Variants in ANKFY1 observed in about 807,000 individuals in gnomAD.
The protein encoded by ANKFY1 is ankyrin repeat and FYVE domain-containing protein 1.
In ANKFY1, 47 loss-of-function variants were observed where a neutral mutation model predicts 128.3. The observed-to-expected ratio is 0.37, with a 90% CI of 0.29 to 0.47. ANKFY1 has a LOEUF of 0.47. ANKFY1 is among the 20% of genes least tolerant of loss of function. The probability of loss-of-function intolerance (pLI) is 1.00; values close to 1 mark genes in which losing one functional copy is unlikely to be tolerated. For synonymous variants in ANKFY1, 553 were observed against 601.6 expected, an observed-to-expected ratio of 0.92 and a Z score of 1.18; for missense variants, 1,222 against 1,510.6, an observed-to-expected ratio of 0.81 and a Z score of 3.17.
intron 7 of ANKFY1, among the ~76,000 whole-genome samples, chr17:4,199,851 A>C (rs2059895637): frequency 6.6e-6 from 1 of 152,224 alleles, no homozygotes; most frequent in South Asian, 2.1e-4. Context: ...GGATTTAGTT[A>C]TATTTAACAT....
At chr17:4,235,371 T>A (rs1161342606) in intron 3 of ANKFY1, among the ~76,000 whole-genome samples, 1 of 150,988 alleles carries the variant, frequency 6.6e-6, no homozygotes, top group Admixed American at 6.6e-5. Flanking sequence ...AAAAAGTCCT[T>A]TGGCATCTAG....
intron 16 of ANKFY1, 124 bp from the exon 17 acceptor site, chr17:4,180,001 G>A (rs1040743680): frequency 8.1e-7 from 1 of 1,227,490 alleles, no homozygotes; most frequent in Admixed American, 2.2e-5. Context: ...CGGGTCTGCT[G>A]TCCTTGGTCC....
chr17:4,260,692 T>C (rs1420329838), intron 1 of ANKFY1, among the ~76,000 whole-genome samples: 1 of 149,488 alleles, frequency 6.7e-6, no homozygotes, highest in Non-Finnish European at 1.5e-5. Flanking sequence ...GATGTAGAGT[T>C]GGGGAATAAA....
chr17:4,190,359 T>A (rs142544940), intron 10 of ANKFY1, among the ~76,000 whole-genome samples: 2 of 152,090 alleles, frequency 1.3e-5, no homozygotes, highest in African/African-American at 2.4e-5. Flanking sequence ...AGGAATTGCT[T>A]GAACCCACGA....
rs552488696 is a variant in ANKFY1 at position 4,223,427 on chromosome 17, A to C, written c.323-6309T>G. On this transcript the variant is annotated intron_variant, in intron 3 of 24. Coordinates refer to ENST00000341657, the MANE Select transcript of ANKFY1 (RefSeq NM_001330063.2). ...AGTCATCCACAAAGACCTGGCTGCT[A>C]GGAACTGTATCACTGATGACACACT... The C allele has an allele frequency of 1.4e-5, 20 of 1,392,430 alleles. No homozygotes were observed. In the South Asian group the frequency reaches 2.1e-4, roughly 14 times the overall value. The allele number at this position is 1,392,430 out of a possible 1,614,324, so 86.3% of individuals were successfully genotyped here. A position where few individuals can be genotyped will look rare whatever the true frequency, so the allele number is the denominator to read the frequency against.
chr17:4,179,672 C>T, intron 17 of ANKFY1, 49 bp downstream of exon 17: 1 of 1,599,072 alleles, frequency 6.3e-7, no homozygotes, highest in Non-Finnish European at 8.5e-7. Context: ...AGGAGGCTTC[C>T]CTCATGCTGG....
At chr17:4,192,763 G>A (rs1488289131) in intron 10 of ANKFY1, among the ~76,000 whole-genome samples, 1 of 152,140 alleles carries the variant, frequency 6.6e-6, no homozygotes, top group Non-Finnish European at 1.5e-5. Flanking sequence ...GCGAGTGGAC[G>A]AATTGGCTGG....
At chr17:4,179,352 A>G (rs2059467447) in intron 17 of ANKFY1, 4 of 530,478 alleles carry the variant, frequency 7.5e-6, no homozygotes, top group Non-Finnish European at 1.0e-5. Context: ...GGCCTTATAT[A>G]TAAATCTGCA....
chr17:4,263,811 C>T, intron 1 of ANKFY1, 121 bp downstream of exon 1: 1 of 1,605,876 alleles, frequency 6.2e-7, no homozygotes, highest in South Asian at 1.1e-5. Flanking sequence ...GGAAGGCTCG[C>T]GAGACCCGCG....
intron 1 of ANKFY1, among the ~76,000 whole-genome samples, chr17:4,262,773 C>A (rs1199739417): frequency 6.6e-6 from 1 of 152,210 alleles, no homozygotes; most frequent in Non-Finnish European, 1.5e-5. Flanking sequence ...CCCCCCAAAA[C>A]CAACTGGGTG....
At position 4,248,453 on chromosome 17, in the gene ANKFY1, G is replaced by A. The variant is rs909706932; in HGVS notation, c.11-6005C>T. Among the ~76,000 whole-genome samples the A allele has an allele frequency of 3.3e-5, 5 of 152,308 alleles. No homozygotes were observed. The East Asian group carries it at 5.8e-4, about 18-fold the overall frequency. ...CATCTATGGACAAACTGTCTTCCAC[G>A]AAACCAGTCTCTGGTGCCAAAAAGA... On this transcript the variant is annotated intron_variant, in intron 1 of 24. Coordinates refer to ENST00000341657, the MANE Select transcript of ANKFY1 (RefSeq NM_001330063.2).
rs369668157 is a variant in ANKFY1 at position 4,242,471 on chromosome 17, A to T, written c.11-23T>A. On this transcript the variant is annotated intron_variant, in intron 1 of 24. Transcript: ENST00000341657. ...CCTCTGCAAGGAAAACGAAGAATCA[A>T]GTTCACCGTGGCTGCTGGAAAGCAG... 1.3e-4 allele frequency: 193 copies of T among 1,521,082 alleles called. No homozygotes were observed. In the African/African-American group the frequency reaches 2.4e-3, roughly 19 times the overall value. The allele number at this position is 1,521,082 out of a possible 1,614,324, so 94.2% of individuals were successfully genotyped here.
chr17:4,237,409 G>T (rs1966959743), intron 2 of ANKFY1, among the ~76,000 whole-genome samples: 1 of 152,086 alleles, frequency 6.6e-6, no homozygotes, highest in South Asian at 2.1e-4. Context: ...ATGCAAAACA[G>T]AACATCAAAC....
intron 10 of ANKFY1, among the ~76,000 whole-genome samples, chr17:4,193,243 C>T (rs1156622180): frequency 1.3e-5 from 2 of 152,112 alleles, no homozygotes; most frequent in African/African-American, 4.8e-5. Flanking sequence ...AAGAGTCTAA[C>T]ATTCAAGCCT....
chr17:4,187,749 C>T (rs183257744), intron 11 of ANKFY1: 7 of 152,642 alleles, frequency 4.6e-5, no homozygotes, highest in African/African-American at 1.7e-4. Context: ...CTCACTGCAA[C>T]CTCTGCCTCC....
chr17:4,249,861 C>T (rs186850088), intron 1 of ANKFY1, among the ~76,000 whole-genome samples: 1 of 151,238 alleles, frequency 6.6e-6, no homozygotes, highest in Admixed American at 6.6e-5. Flanking sequence ...TTGGTCACTA[C>T]TTCCTGCCTT....
chr17:4,263,525 A>C (rs1052937463), intron 1 of ANKFY1: 3 of 1,268,776 alleles, frequency 2.4e-6, no homozygotes, highest in Non-Finnish European at 3.1e-6. Context: ...TCCGCAAGCG[A>C]GGGATGGACC....
In ANKFY1 at chr17:4,179,727, G is replaced by A. The variant is rs375613181; in HGVS notation, c.2391C>T (p.Asn797=). The A allele has an allele frequency of 1.7e-5, 27 of 1,613,908 alleles. No individual in the cohort carries two copies. In the African/African-American group the frequency reaches 1.7e-4, roughly 10 times the overall value. Reference sequence around the variant, plus strand: ...GAAAAGAGAAACGACACACCTGTGCGTTCACGTTGGCACCAAACTCCAGAA... The same window carrying A: ...GAAAAGAGAAACGACACACCTGTGCATTCACGTTGGCACCAAACTCCAGAA... ...QCLLEFGANV[N]AQDAEGRTPI... Residue 797 remains asparagine (N), a synonymous_variant, in exon 17 of 25, where the codon AAC becomes AAT. Coordinates refer to ENST00000341657, the MANE Select transcript of ANKFY1 (RefSeq NM_001330063.2).
At chr17:4,233,672 C>T (rs1211141459) in intron 3 of ANKFY1, among the ~76,000 whole-genome samples, 2 of 152,180 alleles carry the variant, frequency 1.3e-5, no homozygotes, top group African/African-American at 4.8e-5. Flanking sequence ...ACCTCTGAAA[C>T]CTTCCTTTAT....
Sources: gnomAD v4.1 joint callset for allele counts (sites outside exome capture counted in the v4.1 genomes callset) on GRCh38, gnomAD v4.1.1 for gene constraint, MANE v1.5 for transcripts, NCBI Gene and HGNC (gene_info 2026-07-23, HGNC 2026-07-21) for gene names.